CCNA1: variants seen among roughly 807,000 people sequenced by gnomAD.
The protein encoded by CCNA1 is cyclin A1, also known as cyclin-A1.
Under a neutral mutation model 54.1 loss-of-function variants are expected in CCNA1, and 23 were observed. The observed-to-expected ratio is 0.42, with a 90% CI of 0.31 to 0.60. The LOEUF is 0.60. CCNA1 is among the 20% of genes least tolerant of loss of function. CCNA1 has a pLI of 0.14. For missense variants in CCNA1, 450 were observed against 556.7 expected, an observed-to-expected ratio of 0.81 and a Z score of 1.93; for synonymous variants, 208 against 213.9, an observed-to-expected ratio of 0.97 and a Z score of 0.24.
chr13:36,436,119 T>C (rs1454926505), intron 2 of CCNA1, among the ~76,000 whole-genome samples: 2 of 152,214 alleles, frequency 1.3e-5, no homozygotes, highest in Admixed American at 6.5e-5. Flanking sequence ...TTACTTACTC[T>C]CCACCTGTGC....
rs760220718 is a variant in CCNA1 at position 36,437,920 on chromosome 13, T to C, written c.544+45T>C. 1.9e-6 allele frequency: 3 copies of C among 1,592,360 alleles called. No individual in the cohort carries two copies. The African/African-American group carries it at 4.0e-5, about 21-fold the overall frequency. On this transcript the variant is annotated intron_variant, in intron 3 of 8. Coordinates refer to ENST00000255465, the MANE Select transcript of CCNA1 (RefSeq NM_003914.4). ...TTGATGGCTGATGGTACCCTGTATT[T>C]ATAACTGCCTGCAGCATTCAATAGC...
chr13:36,434,101 G>T (rs1323694566), intron 2 of CCNA1, among the ~76,000 whole-genome samples: 1 of 152,172 alleles, frequency 6.6e-6, no homozygotes, highest in Non-Finnish European at 1.5e-5. Context: ...TCTTGGCTGT[G>T]TTCATTGCGG....
chr13:36,432,472 C>G (rs2055723911), upstream of CCNA1: 1 of 414,382 alleles, frequency 2.4e-6, no homozygotes, highest in Non-Finnish European at 4.4e-6. Context: ...ACCTCTTAAC[C>G]GCGATCCTCC....
chr13:36,434,724 T>C (rs1004740855), intron 2 of CCNA1, among the ~76,000 whole-genome samples: 3 of 150,986 alleles, frequency 2.0e-5, no homozygotes, highest in Admixed American at 1.3e-4. Context: ...CCTAAAAATA[T>C]AGAAGCAAGC....
At chr13:36,434,295 CTATTTCA>C (rs1052066883) in intron 2 of CCNA1, among the ~76,000 whole-genome samples, 1 of 152,138 alleles carries the variant, frequency 6.6e-6, no homozygotes, top group Admixed American at 6.5e-5. Flanking sequence ...TATACCTTTC[CTATTTCA>C]TAAGTGAGAA....
intron 2 of CCNA1, among the ~76,000 whole-genome samples, chr13:36,434,166 G>T (rs921702789): frequency 2.0e-4 from 31 of 152,308 alleles, no homozygotes; most frequent in African/African-American, 6.3e-4. Flanking sequence ...CAAAATGGGT[G>T]CTTTGAAGGC....
chr13:36,441,233 TA>T lies in CCNA1; in HGVS notation c.1212+4del. 6.4e-7 allele frequency: 1 copy of T among 1,558,120 alleles called. No individual in the cohort carries two copies. Among genetic ancestry groups the T allele is most frequent in the Non-Finnish European group, 8.9e-7 (1 of 1,129,648 alleles). Reference sequence around the variant, plus strand: ...TATACTGTGAACAAGCACTTTTGGGTAAGATTCTAACTTCTTTCTAGATGAA... The same window carrying T: ...TATACTGTGAACAAGCACTTTTGGGTAGATTCTAACTTCTTTCTAGATGAA... On this transcript the variant is annotated splice_donor_region_variant and intron_variant, in intron 7 of 8. Transcript: ENST00000255465.
intron 7 of CCNA1, among the ~76,000 whole-genome samples, chr13:36,441,922 C>T (rs1230099961): frequency 2.0e-5 from 3 of 152,034 alleles, no homozygotes; most frequent in Non-Finnish European, 4.4e-5. Flanking sequence ...AAATTTCACT[C>T]ATGAGGGAAC....
At chr13:36,433,475 T>G in intron 2 of CCNA1, among the ~76,000 whole-genome samples, 1 of 150,402 alleles carries the variant, frequency 6.6e-6, no homozygotes, top group Admixed American at 6.6e-5. Context: ...TTCTCTTTCT[T>G]TCCTTCTTTC....
rs1217063581 is a variant in CCNA1, at chr13:36,438,843, G to A, written c.869G>A (p.Gly290Glu). 6.2e-7 allele frequency: 1 copy of A among 1,613,988 alleles called. No individual in the cohort carries two copies. Among genetic ancestry groups the A allele is most frequent in the Admixed American group, 1.7e-5 (1 of 60,026 alleles). Residue 290 changes from glycine to glutamate, a missense_variant, in exon 5 of 9, where the codon GGA becomes GAA. Coordinates refer to ENST00000255465, the MANE Select transcript of CCNA1 (RefSeq NM_003914.4). ...CTGAGAGGGAAACTGCAGCTCGTAG[G>A]AACAGCAGCTATGCTTTTGGCTTCG...
rs1291261674 is a variant in CCNA1, at chr13:36,437,208, G to A, written c.298-421G>A. On this transcript the variant is annotated intron_variant, in intron 2 of 8. Transcript: ENST00000255465. ...CTGGCTAAAAAGTTATTTATTTAAG[G>A]AGGGGAATTGTAGGAACTCAGTCAC... Among the ~76,000 whole-genome samples the A allele has an allele frequency of 2.6e-5, 4 of 152,100 alleles. No homozygotes were observed. The South Asian group carries it at 8.3e-4, about 31-fold the overall frequency.
At chr13:36,437,927 G>T (rs1369100343) in intron 3 of CCNA1, 52 bp downstream of exon 3, 2 of 1,587,230 alleles carry the variant, frequency 1.3e-6, no homozygotes, top group Non-Finnish European at 1.7e-6. Context: ...ATTTATAACT[G>T]CCTGCAGCAT....
At chr13:36,432,949 C>G in intron 1 of CCNA1, 84 bp from the exon 2 acceptor site, 1 of 1,310,092 alleles carries the variant, frequency 7.6e-7, no homozygotes, top group Admixed American at 1.8e-5. Flanking sequence ...TTGGTGCTCT[C>G]CCTCCTAGAG....
rs1200419387 is a variant in CCNA1 at position 36,442,815 on chromosome 13, T to C, written c.*150T>C. On this transcript the variant is annotated 3_prime_UTR_variant, in exon 9 of 9. Transcript: ENST00000255465. The stretch of plus-strand genomic sequence containing the variant: ...AATGAATTTAGTTTCCCTTAGACTT[T>C]AGTAGTTTGTAATATAGTCCAACAT... 3 of 668,234 alleles carry C rather than the reference T, an allele frequency of 4.5e-6. No individual in the cohort carries two copies. Among genetic ancestry groups the C allele is most frequent in the African/African-American group, 3.6e-5 (2 of 55,328 alleles). The allele number at this position is 668,234 out of a possible 1,614,324, so 41.4% of individuals were successfully genotyped here. A position where few individuals can be genotyped will look rare whatever the true frequency, so the allele number is the denominator to read the frequency against.
chr13:36,436,128 G>A (rs1451141872), intron 2 of CCNA1, among the ~76,000 whole-genome samples: 1 of 152,144 alleles, frequency 6.6e-6, no homozygotes, highest in East Asian at 1.9e-4. Flanking sequence ...CTCCACCTGT[G>A]CACAGCCAGA....
Position 36,437,784 on chromosome 13 carries a change from G to A in CCNA1, c.453G>A (p.Ser151=), listed in dbSNP as rs368505689. The stretch of plus-strand genomic sequence containing the variant: ...AGCAGGGGGACAGAGACAGCTGCTC[G>A]GTCAGAGAGGGGATGGCATTTGAGG... Residue 151 remains serine, a synonymous_variant, in exon 3 of 9, where the codon TCG becomes TCA. Transcript: ENST00000255465. 43 of 1,614,130 alleles carry A rather than the reference G, an allele frequency of 2.7e-5. 1 individual carries two copies. The highest frequency in any genetic ancestry group is 1.8e-4 in the South Asian group (16 of 91,088).
intron 3 of CCNA1, 73 bp from the exon 4 acceptor site, chr13:36,437,981 TGTATTCACAACTG>T: frequency 6.4e-7 from 1 of 1,571,930 alleles, no homozygotes; most frequent in Non-Finnish European, 8.7e-7. Context: ...AAGTAATAAC[TGTATTCACAACTG>T]CCTGTAGAGG....
At chr13:36,434,826 G>GCCCC (rs368520828) in intron 2 of CCNA1, among the ~76,000 whole-genome samples, 15 of 110,944 alleles carry the variant, frequency 1.4e-4, no homozygotes, top group African/African-American at 3.6e-4. Flanking sequence ...CATGAGAGGT[G>GCCCC]CCCCCCCCCC....
At chr13:36,432,064 C>T (rs1334850170), upstream of CCNA1, 1 of 153,004 alleles carries the variant, frequency 6.5e-6, no homozygotes, top group Non-Finnish European at 1.5e-5. Flanking sequence ...CCCCACCTCG[C>T]CCGGGCGGAG....
Sources: gnomAD v4.1 joint callset for allele counts (sites outside exome capture counted in the v4.1 genomes callset) on GRCh38, gnomAD v4.1.1 for gene constraint, MANE v1.5 for transcripts, NCBI Gene and HGNC (gene_info 2026-07-23, HGNC 2026-07-21) for gene names.